RALGAPA1: variants seen among roughly 807,000 people sequenced by gnomAD.
The protein encoded by RALGAPA1 is Ral GTPase activating protein catalytic subunit alpha 1.
Under a neutral mutation model 269.6 loss-of-function variants are expected in RALGAPA1, and 52 were observed. That is an observed-to-expected ratio of 0.19 (90% CI 0.15 to 0.24). The LOEUF (loss-of-function observed/expected upper bound fraction) is 0.24. RALGAPA1 is among the 10% of genes least tolerant of loss of function. RALGAPA1 has a pLI of 1.00. For synonymous variants in RALGAPA1, 817 were observed against 1,008.3 expected (o/e 0.81, Z 3.60); for missense variants, 1,917 against 3,013.9 (o/e 0.64, Z 8.52).
chr14:35,772,484 C>A (rs918497648), intron 3 of RALGAPA1, among the ~76,000 whole-genome samples: 2 of 152,204 alleles, frequency 1.3e-5, no homozygotes, highest in East Asian at 1.9e-4. Context: ...TAATATTATA[C>A]CTGTTTGGAT....
At chr14:35,680,624 T>C (rs2065347955) in intron 21 of RALGAPA1, among the ~76,000 whole-genome samples, 1 of 152,004 alleles carries the variant, frequency 6.6e-6, no homozygotes, top group Non-Finnish European at 1.5e-5. Context: ...TGCTTTTTTG[T>C]TTTTGTTTGA....
intron 17 of RALGAPA1, among the ~76,000 whole-genome samples, chr14:35,693,422 T>A (rs1410680805): frequency 6.6e-6 from 1 of 151,844 alleles, no homozygotes; most frequent in Non-Finnish European, 1.5e-5. Context: ...AATTTAATTA[T>A]GCTTCTTATA....
At chr14:35,643,942 A>T (rs1457317844) in intron 31 of RALGAPA1, among the ~76,000 whole-genome samples, 1 of 152,216 alleles carries the variant, frequency 6.6e-6, no homozygotes, top group Non-Finnish European at 1.5e-5. Flanking sequence ...TCTAAAAAAT[A>T]GAAAGAATGA....
chr14:35,804,890 C>T (rs919871348), intron 1 of RALGAPA1, among the ~76,000 whole-genome samples: 10 of 151,940 alleles, frequency 6.6e-5, no homozygotes, highest in African/African-American at 2.2e-4. Flanking sequence ...GTTTGCAACA[C>T]GGTACTCCAG....
chr14:35,675,669 G>GT, intron 22 of RALGAPA1, among the ~76,000 whole-genome samples: 1 of 152,044 alleles, frequency 6.6e-6, no homozygotes, highest in South Asian at 2.1e-4. Flanking sequence ...AAAATAGATG[G>GT]TTTTGCTAGA....
intron 1 of RALGAPA1, among the ~76,000 whole-genome samples, chr14:35,792,329 G>A (rs955740106): frequency 3.9e-5 from 6 of 151,938 alleles, no homozygotes; most frequent in South Asian, 2.1e-4. Context: ...GCTAATTTTT[G>A]TATTTTCAGT....
intron 16 of RALGAPA1, among the ~76,000 whole-genome samples, chr14:35,717,873 T>C (rs988692544): frequency 4.6e-5 from 7 of 152,136 alleles, no homozygotes; most frequent in Admixed American, 4.6e-4. Flanking sequence ...TTTTTTGATA[T>C]ATAATAATCT....
chr14:35,760,997 C>A lies in RALGAPA1; in HGVS notation c.379G>T (p.Glu127Ter). The A allele has an allele frequency of 6.3e-7, 1 of 1,589,276 alleles. No individual in the cohort carries two copies. Among genetic ancestry groups the A allele is most frequent in the Non-Finnish European group, 8.6e-7 (1 of 1,168,334 alleles). ...CATAGTAAGAAAAGACGAACACCTT[C>A]CCGCCTAATCTAAAATAAAATGAAA... ...HTGNSLKIRR[E>*]GVRLFLLWLQ... Residue 127 changes from glutamate to a stop codon, truncating the protein, a stop_gained, in exon 6 of 42, where the codon GAA becomes TAA. Transcript: ENST00000680220. LOFTEE classifies it high-confidence loss of function.
intron 37 of RALGAPA1, among the ~76,000 whole-genome samples, chr14:35,587,416 A>C (rs2058369525): frequency 6.6e-6 from 1 of 152,236 alleles, no homozygotes; most frequent in Admixed American, 6.5e-5. Flanking sequence ...AAACACATGC[A>C]TACGTATGTC....
At chr14:35,733,785 T>C (rs2070724291) in intron 12 of RALGAPA1, among the ~76,000 whole-genome samples, 1 of 152,044 alleles carries the variant, frequency 6.6e-6, no homozygotes. Flanking sequence ...AAAAAGCTAG[T>C]TCTTTGAAAA....
intron 30 of RALGAPA1, among the ~76,000 whole-genome samples, 195 bp from the exon 31 acceptor site, chr14:35,652,068 T>C (rs1034647467): frequency 6.6e-6 from 1 of 152,202 alleles, no homozygotes; most frequent in Admixed American, 6.5e-5. Context: ...CAATTATTTA[T>C]AATCCTCATG....
Position 35,654,442 on chromosome 14 carries a change from G to A in RALGAPA1, c.5532C>T (p.Asn1844=), listed in dbSNP as rs1419510283. ...CATAATGAACCAGCATGTGAAGCATGTTACAAGCTACGTGGGCTACTGTTT... is the reference window on the plus strand; with the variant it reads ...CATAATGAACCAGCATGTGAAGCATATTACAAGCTACGTGGGCTACTGTTT... ...TNKTVAHVAC[N]MLHMLVHYVP... The change falls in exon 30 of 42, where the codon AAC becomes AAT. Residue 1844 remains asparagine, a synonymous_variant. Coordinates refer to ENST00000680220, the MANE Select transcript of RALGAPA1 (RefSeq NM_001346249.2). 6.2e-7 allele frequency: 1 copy of A among 1,606,662 alleles called. No individual in the cohort carries two copies. The highest frequency in any genetic ancestry group is 2.2e-5 in the East Asian group (1 of 44,618).
chr14:35,756,382 A>C (rs2073176831), intron 7 of RALGAPA1: 1 of 152,776 alleles, frequency 6.5e-6, no homozygotes, highest in Non-Finnish European at 1.5e-5. Flanking sequence ...TAAGGTTTCC[A>C]CTACAGATGC....
chr14:35,663,891 G>A (rs1191859469), intron 27 of RALGAPA1, among the ~76,000 whole-genome samples: 1 of 151,894 alleles, frequency 6.6e-6, no homozygotes, highest in African/African-American at 2.4e-5. Context: ...GCGCCCAGCT[G>A]GGAATTTATC....
intron 6 of RALGAPA1, among the ~76,000 whole-genome samples, chr14:35,759,569 C>T: frequency 6.9e-6 from 1 of 145,308 alleles, no homozygotes; most frequent in Non-Finnish European, 1.5e-5. Context: ...AGGATTCGTA[C>T]ACGAAGATGA....
At chr14:35,784,343 A>T (rs894728089) in intron 1 of RALGAPA1, among the ~76,000 whole-genome samples, 17 of 152,188 alleles carry the variant, frequency 1.1e-4, no homozygotes, top group African/African-American at 2.7e-4. Flanking sequence ...TGAAAAGATT[A>T]TGCTAAGTGA....
chr14:35,602,234 T>C (rs1304936567), intron 36 of RALGAPA1, among the ~76,000 whole-genome samples: 1 of 152,238 alleles, frequency 6.6e-6, no homozygotes, highest in African/African-American at 2.4e-5. Context: ...ATCTGGGTTG[T>C]TTCTACCGTT....
At chr14:35,547,115 A>G (rs2054531023) in intron 41 of RALGAPA1, among the ~76,000 whole-genome samples, 2 of 152,158 alleles carry the variant, frequency 1.3e-5, no homozygotes, top group Non-Finnish European at 2.9e-5. Context: ...TGGTTCTTAA[A>G]TGCAGTGACA....
intron 1 of RALGAPA1, among the ~76,000 whole-genome samples, chr14:35,782,677 G>A (rs925211956): frequency 6.6e-6 from 1 of 151,890 alleles, no homozygotes; most frequent in Non-Finnish European, 1.5e-5. Context: ...ACCCGCCATG[G>A]CCTCCCAAAG....
Sources: gnomAD v4.1 joint callset for allele counts (sites outside exome capture counted in the v4.1 genomes callset) on GRCh38, gnomAD v4.1.1 for gene constraint, MANE v1.5 for transcripts, NCBI Gene and HGNC (gene_info 2026-07-23, HGNC 2026-07-21) for gene names.